MITF: variants seen among roughly 807,000 people sequenced by gnomAD.
The protein encoded by MITF is melanocyte inducing transcription factor, also known as microphthalmia-associated transcription factor.
A neutral mutation model predicts 60.5 loss-of-function variants in MITF; 17 were observed. The ratio of observed to expected loss-of-function variants is 0.28; its 90% confidence interval spans 0.19 to 0.42. The LOEUF is 0.42. MITF is among the 10% of genes least tolerant of loss of function. The pLI is 1.00. For missense variants in MITF, 622 were observed against 683.5 expected, an observed-to-expected ratio of 0.91 and a Z score of 1.00; for synonymous variants, 260 against 248.5, an observed-to-expected ratio of 1.05 and a Z score of -0.43.
chr3:69,905,230 G>C (rs2065072048), intron 2 of MITF, among the ~76,000 whole-genome samples: 1 of 152,058 alleles, frequency 6.6e-6, no homozygotes, highest in Admixed American at 6.6e-5. Context: ...CATACCTTTT[G>C]TAGTTTCTTG....
intron 1 of MITF, among the ~76,000 whole-genome samples, chr3:69,787,456 G>A (rs1054550490): frequency 6.6e-6 from 1 of 152,168 alleles, no homozygotes; most frequent in African/African-American, 2.4e-5. Flanking sequence ...ACTTGTAAAG[G>A]ATCTTGTTCC....
chr3:69,785,271 AAGC>A (rs35669744), intron 1 of MITF, among the ~76,000 whole-genome samples: 71,771 of 151,192 alleles, frequency 0.47, 18,371 homozygotes, highest in Non-Finnish European at 0.59. Context: ...AAATAACAGC[AAGC>A]AGCAGCAGCA....
chr3:69,880,779 A>G (rs1002044410), intron 2 of MITF, among the ~76,000 whole-genome samples: 1 of 152,050 alleles, frequency 6.6e-6, no homozygotes, highest in African/African-American at 2.4e-5. Context: ...TTAAAATTGT[A>G]TGAATTAAAT....
intron 2 of MITF, among the ~76,000 whole-genome samples, chr3:69,907,585 G>A (rs912277269): frequency 5.9e-5 from 9 of 152,150 alleles, no homozygotes; most frequent in African/African-American, 1.7e-4. Context: ...CTAATGGCCT[G>A]TATTATGGTG....
In MITF at chr3:69,836,809, G is replaced by C. The variant is rs758963979; in HGVS notation, c.105-42325G>C. ...TCAACAGAAAACTGAACCCTCCCTA[G>C]TTTAAGCAGAAAAAGATATATTCAT... is the stretch of plus-strand genomic sequence containing the variant. On this transcript the variant is annotated intron_variant, in intron 1 of 9. Coordinates refer to ENST00000352241, the MANE Select transcript of MITF (RefSeq NM_001354604.2). 3.8e-4 allele frequency among the ~76,000 whole-genome samples: 58 copies of C among 152,238 alleles called. 1 individual carries two copies. In the Middle Eastern group the frequency reaches 0.01, roughly 27 times the overall value.
At chr3:69,758,640 G>A (rs968280971) in intron 1 of MITF, 3 of 197,800 alleles carry the variant, frequency 1.5e-5, no homozygotes, top group African/African-American at 6.9e-5. Flanking sequence ...CATGGGAACA[G>A]GGAATTTGTT....
chr3:69,890,281 C>T (rs1012447789), intron 2 of MITF, among the ~76,000 whole-genome samples: 21 of 152,130 alleles, frequency 1.4e-4, no homozygotes, highest in African/African-American at 4.8e-4. Context: ...TCATCTCTGC[C>T]AATAGCCTTC....
intron 1 of MITF, among the ~76,000 whole-genome samples, chr3:69,776,743 G>A (rs551299680): frequency 1.3e-5 from 2 of 152,154 alleles, no homozygotes; most frequent in African/African-American, 2.4e-5. Context: ...ATGAGAAATC[G>A]GTGAGATAAT....
chr3:69,828,129 T>C (rs1175967988), intron 1 of MITF, among the ~76,000 whole-genome samples: 1 of 152,196 alleles, frequency 6.6e-6, no homozygotes, highest in Non-Finnish European at 1.5e-5. Context: ...TGACACCATG[T>C]TTAGCCTCAA....
intron 1 of MITF, among the ~76,000 whole-genome samples, chr3:69,766,627 C>T (rs2062300960): frequency 6.6e-6 from 1 of 152,050 alleles, no homozygotes; most frequent in Non-Finnish European, 1.5e-5. Flanking sequence ...TTTGGGAGGC[C>T]TGGTTGCAGA....
At chr3:69,913,679 G>A (rs1575948864) in intron 2 of MITF, among the ~76,000 whole-genome samples, 1 of 152,274 alleles carries the variant, frequency 6.6e-6, no homozygotes, top group Admixed American at 6.5e-5. Context: ...TCATTGGACA[G>A]GAAGGGAGAG....
chr3:69,938,994 G>A, intron 3 of MITF, 104 bp from the exon 4 acceptor site: 1 of 1,553,318 alleles, frequency 6.4e-7, no homozygotes, highest in Admixed American at 2.0e-5. Context: ...TTGTTTGAAA[G>A]CTTAGTTCAT....
chr3:69,743,747 A>G (rs1703618412), intron 1 of MITF, among the ~76,000 whole-genome samples: 1 of 152,256 alleles, frequency 6.6e-6, no homozygotes, highest in Admixed American at 6.5e-5. Flanking sequence ...GAGTGAGCCC[A>G]GAATTCACAT....
intron 2 of MITF, among the ~76,000 whole-genome samples, chr3:69,933,754 A>G (rs2065773226): frequency 6.6e-6 from 1 of 152,190 alleles, no homozygotes; most frequent in Non-Finnish European, 1.5e-5. Flanking sequence ...GTGGTTAGTC[A>G]TCTGGAAAGT....
At position 69,963,023 on chromosome 3, in the gene MITF, T is replaced by C. The variant is rs138690390; in HGVS notation, c.1180-1824T>C. Among the ~76,000 whole-genome samples the C allele has an allele frequency of 2.8e-3, 427 of 152,322 alleles. 4 individuals are homozygous for C. Among genetic ancestry groups the C allele is most frequent in the African/African-American group, 9.7e-3 (404 of 41,576 alleles). On this transcript the variant is annotated intron_variant, in intron 9 of 9. Coordinates refer to ENST00000352241, the MANE Select transcript of MITF (RefSeq NM_001354604.2). ...TGGTCTTTTTTCCTGTGTGTGTCTG[T>C]CCCAATCTCCTCTTCTTACAAGGAC... is the stretch of plus-strand genomic sequence containing the variant.
intron 2 of MITF, among the ~76,000 whole-genome samples, chr3:69,919,556 A>C (rs531822453): frequency 1.3e-5 from 2 of 152,190 alleles, no homozygotes; most frequent in Non-Finnish European, 2.9e-5. Context: ...ATATCTAAAA[A>C]CTATACTTTT....
chr3:69,921,093 GAC>G (rs1298280336), intron 2 of MITF, among the ~76,000 whole-genome samples: 11 of 152,212 alleles, frequency 7.2e-5, no homozygotes, highest in Admixed American at 7.2e-4. Flanking sequence ...ACTGGTCTCG[GAC>G]ACCTAACCTC....
intron 1 of MITF, among the ~76,000 whole-genome samples, chr3:69,784,488 T>G (rs77008407): frequency 1.3e-5 from 2 of 152,150 alleles, no homozygotes; most frequent in African/African-American, 2.4e-5. Context: ...AGTTTTAGTG[T>G]CAAAGATTTT....
intron 9 of MITF, 46 bp downstream of exon 9, chr3:69,959,466 C>G (rs201197262): frequency 1.7e-5 from 27 of 1,610,092 alleles, no homozygotes; most frequent in Non-Finnish European, 2.3e-5. Context: ...TTACCGACTT[C>G]AAGACAGTAG....
Sources: allele counts gnomAD v4.1 joint callset (sites outside exome capture counted in the v4.1 genomes callset), GRCh38; gene constraint gnomAD v4.1.1; transcripts MANE v1.5; gene names NCBI Gene and HGNC (gene_info 2026-07-23, HGNC 2026-07-21).